DOCK7: variants seen among roughly 807,000 people sequenced by gnomAD.
DOCK7 encodes the protein dedicator of cytokinesis protein 7.
A neutral mutation model predicts 271.0 loss-of-function variants in DOCK7; 138 were observed. The ratio of observed to expected loss-of-function variants is 0.51; its 90% confidence interval spans 0.44 to 0.59. The LOEUF (loss-of-function observed/expected upper bound fraction) is 0.59. Ranked by LOEUF, DOCK7 falls within the 20% of genes least tolerant of loss-of-function variation. The probability of loss-of-function intolerance (pLI) is 0.00; values close to 1 mark genes in which losing one functional copy is unlikely to be tolerated. For synonymous variants in DOCK7, 823 were observed against 876.1 expected, an observed-to-expected ratio of 0.94 and a Z score of 1.07; for missense variants, 2,066 against 2,592.4, an observed-to-expected ratio of 0.80 and a Z score of 4.41.
In DOCK7 at chr1:62,577,476, T is replaced by TA. The variant is rs1646973817; in HGVS notation, c.2011-114_2011-113insT. ...CAAATTTGTCCCATATCATCAAACA[T>TA]TAAGGGATTTAATTATACAAGTAAT... On this transcript the variant is annotated intron_variant, in intron 17 of 49. Transcript: ENST00000635253. The TA allele has an allele frequency of 5.9e-6, 3 of 509,470 alleles. No individual in the cohort carries two copies. The Admixed American group carries it at 1.0e-4, about 18-fold the overall frequency. The allele number at this position is 509,470 out of a possible 1,614,324, so 31.6% of individuals were successfully genotyped here.
intron 43 of DOCK7, among the ~76,000 whole-genome samples, chr1:62,480,941 G>A (rs1175936522): frequency 6.9e-6 from 1 of 145,646 alleles, no homozygotes; most frequent in Middle Eastern, 4.1e-3. Flanking sequence ...CCCGGGAGGC[G>A]GAGCTTGCAG....
At chr1:62,466,843 C>G (rs1287578948) in intron 48 of DOCK7, among the ~76,000 whole-genome samples, 1 of 152,026 alleles carries the variant, frequency 6.6e-6, no homozygotes, top group African/African-American at 2.4e-5. Flanking sequence ...ATCACTTGAA[C>G]CCGGGAGGCG....
At chr1:62,567,247 C>T (rs1302776688) in intron 18 of DOCK7, among the ~76,000 whole-genome samples, 1 of 152,204 alleles carries the variant, frequency 6.6e-6, no homozygotes, top group Non-Finnish European at 1.5e-5. Flanking sequence ...CACATACACA[C>T]ATATGTTTAC....
chr1:62,605,087 C>A (rs559923397), intron 14 of DOCK7: 5 of 331,690 alleles, frequency 1.5e-5, no homozygotes, highest in South Asian at 4.3e-5. Context: ...AGATTATAAT[C>A]AATAGGTGAA....
chr1:62,553,867 A>G (rs1359342714), intron 21 of DOCK7, among the ~76,000 whole-genome samples: 2 of 151,010 alleles, frequency 1.3e-5, no homozygotes, highest in South Asian at 2.1e-4. Flanking sequence ...ACACACACAC[A>G]CGCACACGCA....
At chr1:62,558,397 A>G (rs78123463) in intron 20 of DOCK7, among the ~76,000 whole-genome samples, 151 of 152,298 alleles carry the variant, frequency 9.9e-4, no homozygotes, top group African/African-American at 3.1e-3. Flanking sequence ...TGGTTAGCTG[A>G]AATTTCTTTC....
chr1:62,539,252 T>C (rs890507810), intron 27 of DOCK7, among the ~76,000 whole-genome samples: 5 of 152,286 alleles, frequency 3.3e-5, no homozygotes, highest in African/African-American at 9.6e-5. Context: ...CTGCTTTACA[T>C]TACTACTGAC....
intron 18 of DOCK7, 82 bp from the exon 19 acceptor site, chr1:62,561,785 A>C: frequency 1.4e-6 from 1 of 719,784 alleles, no homozygotes; most frequent in African/African-American, 1.9e-5. Context: ...CAATATCCCA[A>C]TGAGAAAAAT....
intron 43 of DOCK7, chr1:62,483,641 A>G (rs1273554571): frequency 6.7e-6 from 1 of 148,644 alleles, no homozygotes; most frequent in Admixed American, 6.8e-5. Context: ...GGAGCATAGT[A>G]GCATGGTCTC....
chr1:62,470,801 A>G (rs1645809175), intron 48 of DOCK7, among the ~76,000 whole-genome samples: 1 of 152,086 alleles, frequency 6.6e-6, no homozygotes, highest in Non-Finnish European at 1.5e-5. Context: ...AAACAAAACA[A>G]AACAAAAAAA....
intron 48 of DOCK7, chr1:62,459,061 A>G (rs1161268773): frequency 3.3e-5 from 5 of 152,196 alleles, no homozygotes; most frequent in Admixed American, 6.5e-5. Flanking sequence ...ATTAGAAAGG[A>G]AATAAGATTT....
intron 14 of DOCK7, among the ~76,000 whole-genome samples, chr1:62,612,788 T>G (rs1651954507): frequency 6.6e-6 from 1 of 152,214 alleles, no homozygotes; most frequent in Non-Finnish European, 1.5e-5. Context: ...ACCATTGTAT[T>G]CATTCTTACA....
At chr1:62,486,247 C>A (rs1483306547) in intron 43 of DOCK7, 1 of 152,016 alleles carries the variant, frequency 6.6e-6, no homozygotes, top group East Asian at 1.9e-4. Flanking sequence ...AAAGTACTGG[C>A]TTCATCTAAA....
chr1:62,466,188 T>A (rs977383844), intron 48 of DOCK7, among the ~76,000 whole-genome samples: 1 of 151,304 alleles, frequency 6.6e-6, no homozygotes, highest in Non-Finnish European at 1.5e-5. Context: ...CCTGAACAGG[T>A]TTTTTTTTGT....
intron 31 of DOCK7, among the ~76,000 whole-genome samples, chr1:62,522,341 TATG>T (rs1187189822): frequency 1.3e-5 from 2 of 152,152 alleles, no homozygotes; most frequent in Non-Finnish European, 2.9e-5. Flanking sequence ...AGTACACAAC[TATG>T]AAGAAGTTGA....
At chr1:62,615,348 T>C (rs1199229586) in intron 14 of DOCK7, among the ~76,000 whole-genome samples, 2 of 151,836 alleles carry the variant, frequency 1.3e-5, no homozygotes, top group Non-Finnish European at 3.0e-5. Flanking sequence ...CTTAAAATAA[T>C]GCATCCTTTT....
intron 14 of DOCK7, among the ~76,000 whole-genome samples, chr1:62,613,414 G>A (rs1652043488): frequency 6.6e-6 from 1 of 152,160 alleles, no homozygotes; most frequent in South Asian, 2.1e-4. Context: ...CCAGCTGTGT[G>A]TGGGAGGTAG....
At chr1:62,557,268 T>C (rs1033024120) in intron 20 of DOCK7, among the ~76,000 whole-genome samples, 3 of 151,780 alleles carry the variant, frequency 2.0e-5, no homozygotes, top group Non-Finnish European at 4.4e-5. Flanking sequence ...CCAAAGGAAG[T>C]AGTGCCCTCT....
At chr1:62,663,237 C>A (rs1571941868) in intron 1 of DOCK7, 107 bp from the exon 2 acceptor site, 2 of 854,330 alleles carry the variant, frequency 2.3e-6, no homozygotes, top group South Asian at 1.6e-5. Context: ...TAAAGAAAAA[C>A]AAAATCTCAG....
Sources: gnomAD v4.1 joint callset for allele counts (sites outside exome capture counted in the v4.1 genomes callset) on GRCh38, gnomAD v4.1.1 for gene constraint, MANE v1.5 for transcripts, NCBI Gene and HGNC (gene_info 2026-07-23, HGNC 2026-07-21) for gene names.